PCBP3: variants seen among roughly 807,000 people sequenced by gnomAD.
PCBP3 encodes poly(rC)-binding protein 3.
Under a neutral mutation model 52.7 loss-of-function variants are expected in PCBP3, and 25 were observed. The observed-to-expected ratio is 0.47, with a 90% confidence interval of 0.35 to 0.66. PCBP3 has a LOEUF of 0.66. Among genes scored for constraint, PCBP3 ranks in the 30% least tolerant of loss-of-function variants. The pLI is 0.01. For synonymous variants in PCBP3, 162 were observed against 183.0 expected (o/e 0.89, Z 0.93); for missense variants, 391 against 490.3 (o/e 0.80, Z 1.91).
chr21:45,721,333 A>T (rs1200369471), intron 2 of PCBP3, among the ~76,000 whole-genome samples: 1 of 150,332 alleles, frequency 6.7e-6, no homozygotes, highest in African/African-American at 2.4e-5. Flanking sequence ...GAATCGCTTG[A>T]ACCCAGGAGG....
chr21:45,940,223 G>T, intron 17 of PCBP3, 24 bp downstream of exon 17: 5 of 1,590,842 alleles, frequency 3.1e-6, no homozygotes, highest in Non-Finnish European at 4.3e-6. Flanking sequence ...AAGGGTCTCT[G>T]AGAGACGCCC....
intron 2 of PCBP3, among the ~76,000 whole-genome samples, chr21:45,682,201 T>A (rs1324715976): frequency 6.6e-6 from 1 of 152,178 alleles, no homozygotes; most frequent in East Asian, 1.9e-4. Flanking sequence ...TTCTTCCCCC[T>A]CCCACCCAAC....
At chr21:45,705,074 C>G (rs561425928) in intron 2 of PCBP3, among the ~76,000 whole-genome samples, 1 of 152,150 alleles carries the variant, frequency 6.6e-6, no homozygotes, top group Admixed American at 6.5e-5. Context: ...TGGGCCCAGC[C>G]GGAAGGCCCT....
At position 45,837,168 on chromosome 21, in the gene PCBP3, A is replaced by G. The variant is rs915647815; in HGVS notation, c.-125-12793A>G. 6.6e-6 allele frequency among the ~76,000 whole-genome samples: 1 copy of G among 152,244 alleles called. No homozygotes were observed. The highest frequency in any genetic ancestry group is 1.5e-5 in the Non-Finnish European group (1 of 68,042). On this transcript the variant is annotated intron_variant, in intron 4 of 17. Transcript: ENST00000681687. The surrounding 1 kb of genome is among the most constrained non-coding windows in gnomAD (Gnocchi z 4.1). ...CATCCCCCAGCAGCGTGTTAGCGCC[A>G]CGGATGATCTACAGTCCACCAACAT...
rs562004455 is a variant in PCBP3, at chr21:45,735,165, C to T, written c.-199-227C>T. The stretch of plus-strand genomic sequence containing the variant: ...TGGGGTTCTGAGTCTTTATCAGTGT[C>T]GTGTATGTTCCAGACTCAGTTTAGA... On this transcript the variant is annotated intron_variant, in intron 2 of 17. Coordinates refer to ENST00000681687, the MANE Select transcript of PCBP3 (RefSeq NM_001384156.1). The surrounding 1 kb of genome is among the most constrained non-coding windows in gnomAD (Gnocchi z 4.0). Among the ~76,000 whole-genome samples, 6 of 152,286 alleles carry T rather than the reference C, an allele frequency of 3.9e-5. No homozygotes were observed. Among genetic ancestry groups the T allele is most frequent in the Admixed American group, 1.3e-4 (2 of 15,298 alleles).
At chr21:45,676,948 T>G (rs914179423) in intron 2 of PCBP3, among the ~76,000 whole-genome samples, 4 of 151,976 alleles carry the variant, frequency 2.6e-5, no homozygotes, top group Non-Finnish European at 5.9e-5. Flanking sequence ...ATTTTTTGTA[T>G]TTTTAGTAGA....
In PCBP3 at chr21:45,794,640, G is replaced by T. The variant is rs561780825; in HGVS notation, c.-126+39188G>T. 6.5e-4 allele frequency among the ~76,000 whole-genome samples: 99 copies of T among 152,316 alleles called. 1 individual carries two copies. Among genetic ancestry groups the T allele is most frequent in the Middle Eastern group, 3.4e-3 (1 of 294 alleles). ...GCAGACCTCAGATTGTCTTAAAAAT[G>T]ACCCAGAGGCCGGGTGCAATGGCTC... On this transcript the variant is annotated intron_variant, in intron 4 of 17. Transcript: ENST00000681687.
chr21:45,907,900 G>C (rs1485862249), intron 9 of PCBP3, among the ~76,000 whole-genome samples: 1 of 151,634 alleles, frequency 6.6e-6, no homozygotes, highest in East Asian at 1.9e-4. Context: ...AAAGGAGGGA[G>C]AGCTTACGAG....
intron 3 of PCBP3, among the ~76,000 whole-genome samples, 132 bp from the exon 4 acceptor site, chr21:45,755,285 T>C (rs904348677): frequency 3.3e-5 from 5 of 152,240 alleles, no homozygotes; most frequent in African/African-American, 7.2e-5. Context: ...TTGATAAATA[T>C]GCCACAATTT....
chr21:45,821,508 C>T lies in PCBP3; in HGVS notation c.-125-28453C>T, dbSNP rs1264325764. On this transcript the variant is annotated intron_variant, in intron 4 of 17. Coordinates refer to ENST00000681687, the MANE Select transcript of PCBP3 (RefSeq NM_001384156.1). The surrounding 1 kb of genome is among the most constrained non-coding windows in gnomAD (Gnocchi z 4.4). ...CTGCACCACGCTGTGGGCCCTGTGCCTTCCCCTAACTCATTTCTAGAATAC... is the reference window on the plus strand; with the variant it reads ...CTGCACCACGCTGTGGGCCCTGTGCTTTCCCCTAACTCATTTCTAGAATAC... 6.6e-6 allele frequency among the ~76,000 whole-genome samples: 1 copy of T among 150,820 alleles called. No homozygotes were observed. The highest frequency in any genetic ancestry group is 1.5e-5 in the Non-Finnish European group (1 of 67,664).
At chr21:45,871,982 T>C (rs959609922) in intron 5 of PCBP3, 2 of 152,212 alleles carry the variant, frequency 1.3e-5, no homozygotes, top group African/African-American at 4.8e-5. Context: ...GGGCTCCGAT[T>C]TGGGGGCCCA....
chr21:45,826,258 C>CAAAA (rs10679763), intron 4 of PCBP3, among the ~76,000 whole-genome samples: 4 of 129,912 alleles, frequency 3.1e-5, no homozygotes, highest in African/African-American at 1.1e-4. Context: ...AACTCTGTCT[C>CAAAA]AAAAAAAAAA....
chr21:45,813,223 C>G (rs2092731355), intron 4 of PCBP3, among the ~76,000 whole-genome samples: 2 of 152,044 alleles, frequency 1.3e-5, no homozygotes, highest in Admixed American at 6.5e-5. Flanking sequence ...TTTTTTTTAT[C>G]TATCTGTGCG....
chr21:45,777,177 G>A (rs2090322940), intron 4 of PCBP3, among the ~76,000 whole-genome samples: 1 of 152,132 alleles, frequency 6.6e-6, no homozygotes, highest in South Asian at 2.1e-4. Context: ...GCTGGATATA[G>A]TCTTCTTGGA....
intron 5 of PCBP3, among the ~76,000 whole-genome samples, chr21:45,882,923 T>A (rs1036280571): frequency 3.9e-5 from 6 of 152,264 alleles, no homozygotes; most frequent in Admixed American, 3.9e-4. Flanking sequence ...CTTTAGTATT[T>A]CATTCCTCTG....
chr21:45,897,493 C>T (rs1305157206), intron 6 of PCBP3, among the ~76,000 whole-genome samples: 1 of 152,210 alleles, frequency 6.6e-6, no homozygotes, highest in Non-Finnish European at 1.5e-5. Context: ...CTCAGACTTT[C>T]AGAGCATGTG....
intron 6 of PCBP3, among the ~76,000 whole-genome samples, chr21:45,897,511 C>T (rs1051752710): frequency 6.6e-6 from 1 of 152,172 alleles, no homozygotes; most frequent in Non-Finnish European, 1.5e-5. Context: ...GTGTTTCTAT[C>T]CTCTGGGAGT....
At chr21:45,689,422 A>C (rs1253400885) in intron 2 of PCBP3, among the ~76,000 whole-genome samples, 1 of 152,112 alleles carries the variant, frequency 6.6e-6, no homozygotes, top group Non-Finnish European at 1.5e-5. Flanking sequence ...GAAACAAAAA[A>C]AGGGAACTTC....
chr21:45,923,573 C>T (rs147533917), intron 13 of PCBP3, among the ~76,000 whole-genome samples: 56 of 152,194 alleles, frequency 3.7e-4, no homozygotes, highest in African/African-American at 1.1e-3. Context: ...GACCCTCGGG[C>T]GACTCACTGG....
Sources: gnomAD v4.1 joint callset for allele counts (sites outside exome capture counted in the v4.1 genomes callset) on GRCh38, gnomAD v4.1.1 for gene constraint, Gnocchi (gnomAD v3.1) non-coding constraint, MANE v1.5 for transcripts, NCBI Gene and HGNC (gene_info 2026-07-23, HGNC 2026-07-21) for gene names.